Variants in SPTBN1 observed in about 807,000 individuals in gnomAD.
SPTBN1 encodes the protein spectrin beta chain, non-erythrocytic 1.
A neutral mutation model predicts 266.4 loss-of-function variants in SPTBN1; 32 were observed. The observed-to-expected ratio is 0.12, with a 90% CI of 0.09 to 0.16. SPTBN1 has a LOEUF of 0.16. Ranked by LOEUF, SPTBN1 falls within the 10% of genes least tolerant of loss-of-function variation. The probability of loss-of-function intolerance (pLI) is 1.00; values close to 1 mark genes in which losing one functional copy is unlikely to be tolerated. For synonymous variants in SPTBN1, 1,336 were observed against 1,162.2 expected, an observed-to-expected ratio of 1.15 and a Z score of -3.04; for missense variants, 2,296 against 3,067.1, an observed-to-expected ratio of 0.75 and a Z score of 5.94.
intron 12 of SPTBN1, among the ~76,000 whole-genome samples, chr2:54,627,424 A>G (rs1363674885): frequency 2.0e-5 from 3 of 152,196 alleles, no homozygotes; most frequent in Non-Finnish European, 4.4e-5. Flanking sequence ...AAACAAGAAA[A>G]TATCAGTGGG....
intron 29 of SPTBN1, among the ~76,000 whole-genome samples, chr2:54,656,462 A>G (rs1483547615): frequency 6.6e-6 from 1 of 152,220 alleles, no homozygotes; most frequent in Non-Finnish European, 1.5e-5. Flanking sequence ...TTCTGTGTTT[A>G]TTCCCCAAAG....
chr2:54,637,959 G>T (rs1173165819), intron 18 of SPTBN1, among the ~76,000 whole-genome samples, 156 bp downstream of exon 18: 1 of 152,168 alleles, frequency 6.6e-6, no homozygotes, highest in Non-Finnish European at 1.5e-5. Flanking sequence ...CACTTCATCA[G>T]TTCTCCAGCC....
At chr2:54,596,568 C>G (rs188768438) in intron 2 of SPTBN1, among the ~76,000 whole-genome samples, 1 of 152,132 alleles carries the variant, frequency 6.6e-6, no homozygotes, top group Non-Finnish European at 1.5e-5. Flanking sequence ...GAACTTAGAC[C>G]CTGCGTGATT....
chr2:54,572,739 G>A (rs1245704977), intron 2 of SPTBN1, among the ~76,000 whole-genome samples: 1 of 152,174 alleles, frequency 6.6e-6, no homozygotes, highest in African/African-American at 2.4e-5. Flanking sequence ...ACACAAGGAA[G>A]CAATTTTTAA....
intron 2 of SPTBN1, among the ~76,000 whole-genome samples, chr2:54,559,780 G>A (rs1176022751): frequency 6.6e-6 from 1 of 152,210 alleles, no homozygotes; most frequent in Non-Finnish European, 1.5e-5. Flanking sequence ...CTCTAGCACT[G>A]TAAAAAAGTA....
intron 1 of SPTBN1, among the ~76,000 whole-genome samples, chr2:54,521,081 C>A (rs965702848): frequency 6.6e-6 from 1 of 152,182 alleles, no homozygotes; most frequent in Non-Finnish European, 1.5e-5. Flanking sequence ...TGAGAAAACC[C>A]AGCCCTTTTT....
intron 1 of SPTBN1, among the ~76,000 whole-genome samples, chr2:54,472,365 GA>G (rs1361989765): frequency 6.6e-6 from 1 of 152,036 alleles, no homozygotes; most frequent in Non-Finnish European, 1.5e-5. Flanking sequence ...TTATATGTTT[GA>G]TAGGCTTTTG....
In SPTBN1 at chr2:54,664,618, C is replaced by T. The variant is rs1204711573; in HGVS notation, c.6586C>T (p.Pro2196Ser). 6.2e-7 allele frequency: 1 copy of T among 1,614,180 alleles called. No homozygotes were observed. The highest frequency in any genetic ancestry group is 1.3e-5 in the African/African-American group (1 of 75,042). ...CTTACCAGCCAGAACCCAGGAGACA[C>T]CTTCGGCCCAGATGGAAGGCTTCCT... ...ATLPARTQETPSAQMEGFLNR... is the reference protein window; with the variant it reads ...ATLPARTQETSSAQMEGFLNR... The change falls in exon 33 of 36, where the codon CCT (proline) becomes TCT (serine). Residue 2196 changes from proline to serine, a missense_variant. Coordinates refer to ENST00000356805, the MANE Select transcript of SPTBN1 (RefSeq NM_003128.3). This position sits in a 1 kb window ranked among gnomAD's most constrained non-coding sequence, Gnocchi z 5.6.
chr2:54,595,228 T>C (rs1045894927), intron 2 of SPTBN1, among the ~76,000 whole-genome samples: 2 of 152,246 alleles, frequency 1.3e-5, no homozygotes, highest in Non-Finnish European at 2.9e-5. Flanking sequence ...CACTTTGATG[T>C]GCACTTTACC....
At chr2:54,465,679 G>A (rs1258412735) in intron 1 of SPTBN1, among the ~76,000 whole-genome samples, 5 of 100,700 alleles carry the variant, frequency 5.0e-5, no homozygotes, top group Admixed American at 1.2e-4. Context: ...TCTCACACAT[G>A]GGAGAGAGAG....
At chr2:54,532,525 A>G (rs1406185412) in intron 2 of SPTBN1, among the ~76,000 whole-genome samples, 3 of 152,236 alleles carry the variant, frequency 2.0e-5, no homozygotes, top group African/African-American at 2.4e-5. Flanking sequence ...GAGTGAAAAC[A>G]TGGTAGATGG....
At chr2:54,521,643 A>C (rs1670446234) in intron 1 of SPTBN1, among the ~76,000 whole-genome samples, 1 of 151,846 alleles carries the variant, frequency 6.6e-6, no homozygotes, top group South Asian at 2.1e-4. Context: ...CCTCCCAAGT[A>C]GCTGGGACTA....
At chr2:54,656,141 C>T in intron 29 of SPTBN1, 143 bp downstream of exon 29, 1 of 634,762 alleles carries the variant, frequency 1.6e-6, no homozygotes, top group South Asian at 2.0e-5. Flanking sequence ...TTCACCATTT[C>T]ATGGTAAATA....
In SPTBN1 at chr2:54,628,247, G is replaced by A. The variant is rs1222320896; in HGVS notation, c.1795G>A (p.Glu599Lys). ...CGCCCAGAAGTTCGCAACAGACGGG[G>A]AAGGTAAGGATGGCCCATTCCAAGC... ...ASAQKFATDGEGYKPCDPQVI... is the reference protein window; with the variant it reads ...ASAQKFATDGKGYKPCDPQVI... The change falls in exon 13 of 36, where the codon GAA (glutamate) becomes AAA (lysine). Residue 599 changes from glutamate (E) to lysine (K), a missense_variant. This residue lies in a region of SPTBN1 where 434 missense variants were observed against 573.9 expected (regional missense o/e 0.76). Transcript: ENST00000356805. The surrounding 1 kb of genome is among the most constrained non-coding windows in gnomAD (Gnocchi z 4.3). The A allele has an allele frequency of 1.9e-6, 3 of 1,612,068 alleles. No individual in the cohort carries two copies. Among genetic ancestry groups the A allele is most frequent in the East Asian group, 4.5e-5 (2 of 44,808 alleles).
chr2:54,646,205 A>T lies in SPTBN1; in HGVS notation c.4596A>T (p.Lys1532Asn). 6.2e-7 allele frequency: 1 copy of T among 1,610,168 alleles called. No homozygotes were observed. Among genetic ancestry groups the T allele is most frequent in the Non-Finnish European group, 8.5e-7 (1 of 1,177,750 alleles). ...TCCGCTCCCTCCAGACCCTCCAGAA[A>T]GAAATCCAGGGGCACCAGCCTCGCA... ...LLIKKNQTLQ[K>N]EIQGHQPRID... Residue 1532 changes from lysine (K) to asparagine (N), a missense_variant, in exon 23 of 36, where the codon AAA (lysine) becomes AAT (asparagine). Lys to Asn is a moderately conservative substitution (Grantham distance 94). Around this residue, in one of 12 missense-constraint regions of SPTBN1, gnomAD observed 644 missense variants for 745.3 expected, o/e 0.86. Coordinates refer to ENST00000356805, the MANE Select transcript of SPTBN1 (RefSeq NM_003128.3). This position sits in a 1 kb window ranked among gnomAD's most constrained non-coding sequence, Gnocchi z 4.4.
intron 1 of SPTBN1, among the ~76,000 whole-genome samples, chr2:54,500,502 C>T (rs1207798551): frequency 6.6e-6 from 1 of 152,122 alleles, no homozygotes; most frequent in Non-Finnish European, 1.5e-5. Context: ...AGAAAGAGCT[C>T]TAGCTGATTA....
At chr2:54,604,199 TG>T (rs1445383397) in intron 3 of SPTBN1, among the ~76,000 whole-genome samples, 2 of 152,122 alleles carry the variant, frequency 1.3e-5, no homozygotes, top group Non-Finnish European at 2.9e-5. Flanking sequence ...AGGGTTTCTT[TG>T]GACACGTATA....
At chr2:54,531,436 T>G (rs1273288340) in intron 2 of SPTBN1, among the ~76,000 whole-genome samples, 1 of 152,146 alleles carries the variant, frequency 6.6e-6, no homozygotes, top group Admixed American at 6.5e-5. Flanking sequence ...TTTTCTTGTT[T>G]GTTTAGAAAT....
intron 1 of SPTBN1, among the ~76,000 whole-genome samples, chr2:54,525,350 A>G (rs953598000): frequency 2.0e-5 from 3 of 151,854 alleles, no homozygotes; most frequent in African/African-American, 4.8e-5. Context: ...GGTTCAAGCA[A>G]TTTTCCAGCC....
Sources: gnomAD v4.1 joint callset for allele counts (sites outside exome capture counted in the v4.1 genomes callset) on GRCh38, gnomAD v4.1.1 for gene constraint, gnomAD v4.1.1 regional missense constraint, Gnocchi (gnomAD v3.1) non-coding constraint, MANE v1.5 for transcripts, NCBI Gene and HGNC (gene_info 2026-07-23, HGNC 2026-07-21) for gene names.